The following GPT variants were observed in gnomAD, a reference collection of about 807,000 sequenced individuals.
The protein encoded by GPT is glutamic--pyruvic transaminase.
In GPT, 60 loss-of-function variants were observed where a neutral mutation model predicts 51.4. The ratio of observed to expected loss-of-function variants is 1.17; its 90% confidence interval spans 0.95 to 1.45. The LOEUF (loss-of-function observed/expected upper bound fraction) is 1.45. Ranked by LOEUF, GPT falls within the 40% of genes most tolerant of loss-of-function variation. GPT has a pLI of 0.00. For synonymous variants in GPT, 397 were observed against 303.1 expected (o/e 1.31, Z -3.22); for missense variants, 853 against 704.0 (o/e 1.21, Z -2.40).
chr8:144,506,473 C>A lies in GPT; in HGVS notation c.1132-28C>A. 1 of 1,585,712 alleles carries A rather than the reference C, an allele frequency of 6.3e-7. No individual in the cohort carries two copies. ...GGTGGGGGATGCCGAGTGCCGTGCC[C>A]TGATGGGCCCTCCCTCCGCGGCCAC... On this transcript the variant is annotated intron_variant, in intron 8 of 10. Transcript: ENST00000394955. This position sits in a 1 kb window ranked among gnomAD's most constrained non-coding sequence, Gnocchi z 7.0.
Position 144,505,063 on chromosome 8 carries a change from C to T in GPT, c.427C>T (p.Arg143Cys), listed in dbSNP as rs748547625. The T allele has an allele frequency of 2.4e-5, 39 of 1,613,048 alleles. No individual in the cohort carries two copies. In the East Asian group the frequency reaches 7.8e-4, roughly 32 times the overall value. The change falls in exon 4 of 11, where the codon CGT (arginine) becomes TGT (cysteine). Residue 143 changes from arginine (R) to cysteine (C), a missense_variant. Physicochemically the swap from Arg to Cys is radical, Grantham distance 180 (BLOSUM62 -3). Coordinates refer to ENST00000394955, the MANE Select transcript of GPT (RefSeq NM_005309.3). ...REDVARYIER[R>C]DGGIPADPNN... ...GGACGTGGCGCGGTACATTGAGAGGCGTGACGGAGGCATCCCTGCGGACCC... is the reference window on the plus strand; with the variant it reads ...GGACGTGGCGCGGTACATTGAGAGGTGTGACGGAGGCATCCCTGCGGACCC...
chr8:144,503,547 C>G (rs984315605), upstream of GPT, among the ~76,000 whole-genome samples: 1 of 152,172 alleles, frequency 6.6e-6, no homozygotes, highest in East Asian at 1.9e-4. Flanking sequence ...CCCCCTCCCC[C>G]AGCCCCTCGC....
upstream of GPT, chr8:144,503,946 TGAC>T: frequency 2.7e-6 from 1 of 371,092 alleles, no homozygotes; most frequent in Non-Finnish European, 5.2e-6. Context: ...CTGTCCGGAC[TGAC>T]GTCTGTACCT....
At position 144,505,860 on chromosome 8, in the gene GPT, C is replaced by T; in HGVS notation, c.752C>T (p.Thr251Ile). The stretch of plus-strand genomic sequence containing the variant: ...CCCGGCACCCCAGGGCAGGTGCAGA[C>T]CCGCGAGTGCATCGAGGCCGTGATC... The part of the protein sequence containing the change: ...NPGNPTGQVQ[T>I]RECIEAVIRF... The change falls in exon 6 of 11, where the codon ACC (threonine) becomes ATC (isoleucine). Residue 251 changes from threonine (T) to isoleucine (I), a missense_variant. Physicochemically the swap from Thr to Ile is moderately conservative, Grantham distance 89. Transcript: ENST00000394955. 1 of 1,551,790 alleles carries T rather than the reference C, an allele frequency of 6.4e-7. No individual in the cohort carries two copies. Among genetic ancestry groups the T allele is most frequent in the African/African-American group, 1.4e-5 (1 of 73,264 alleles).
rs190503990 is a variant in GPT at position 144,504,163 on chromosome 8, G to C, written c.-142G>C. ...CCAGTGAGGCCAGCTGCGGTGAAGA[G>C]GGTGCTCTCTTGCCTGGAGTTCCCT... is the stretch of plus-strand genomic sequence containing the variant. On this transcript the variant is annotated 5_prime_UTR_variant, in exon 1 of 11. Transcript: ENST00000394955. 10 of 849,218 alleles carry C rather than the reference G, an allele frequency of 1.2e-5. No homozygotes were observed. Among genetic ancestry groups the C allele is most frequent in the African/African-American group, 1.7e-5 (1 of 60,222 alleles). The allele number at this position is 849,218 out of a possible 1,614,324, so 52.6% of individuals were successfully genotyped here. A position where few individuals can be genotyped will look rare whatever the true frequency, so the allele number is the denominator to read the frequency against.
In GPT at chr8:144,505,451, C is replaced by T. The variant is rs773478792; in HGVS notation, c.701C>T (p.Pro234Leu). The change falls in exon 5 of 11, where the codon CCT becomes CTT. Residue 234 changes from proline to leucine, a missense_variant. Coordinates refer to ENST00000394955, the MANE Select transcript of GPT (RefSeq NM_005309.3). ...ALGQARDHCR[P>L]RALCVINPGN... ...GGCCAGGCGCGTGACCACTGCCGCC[C>T]TCGTGCGCTCTGTGTCATCAACCCT... The T allele has an allele frequency of 6.0e-5, 96 of 1,596,220 alleles. No individual in the cohort carries two copies. Among genetic ancestry groups the T allele is most frequent in the Non-Finnish European group, 7.8e-5 (91 of 1,173,762 alleles).
At chr8:144,504,742 G>A (rs3891233) in intron 2 of GPT, 29 bp from the exon 3 acceptor site, 1 of 1,588,226 alleles carries the variant, frequency 6.3e-7, no homozygotes, top group Non-Finnish European at 8.6e-7. Context: ...CAGCCCATGT[G>A]CCCTGGCCTC....
Position 144,504,782 on chromosome 8 carries a change from C to A in GPT, c.264C>A (p.Leu88=). The change falls in exon 3 of 11, where the codon CTC becomes CTA. Residue 88 remains leucine (L), a synonymous_variant. Transcript: ENST00000394955. ...CTCCGTCTTCCCAGGTCTTGGCCCT[C>A]TGTGTTAACCCTGATCTTCTGAGCA... is the stretch of plus-strand genomic sequence containing the variant. The part of the protein sequence containing the change: ...PITFLRQVLA[L]CVNPDLLSSP... 6.2e-7 allele frequency: 1 copy of A among 1,613,666 alleles called. No individual in the cohort carries two copies. The highest frequency in any genetic ancestry group is 8.5e-7 in the Non-Finnish European group (1 of 1,179,976).
In GPT at chr8:144,505,925, G is replaced by T; in HGVS notation, c.817G>T (p.Glu273Ter). The T allele has an allele frequency of 6.2e-7, 1 of 1,608,922 alleles. No homozygotes were observed. The highest frequency in any genetic ancestry group is 8.5e-7 in the Non-Finnish European group (1 of 1,178,446). Residue 273 changes from glutamate (E) to a stop codon, truncating the protein, a stop_gained and splice_region_variant, in exon 6 of 11, where the codon GAG becomes TAG. Coordinates refer to ENST00000394955, the MANE Select transcript of GPT (RefSeq NM_005309.3). LOFTEE classifies it high-confidence loss of function. ...AGAGCGGCTCTTTCTGCTGGCGGAC[G>T]AGGTGCGCGGCGCGGGGGAGCGGGA... ...FEERLFLLAD[E>*]VYQDNVYAAG...
chr8:144,505,443 C>G lies in GPT; in HGVS notation c.693C>G (p.His231Gln). The G allele has an allele frequency of 6.3e-7, 1 of 1,598,592 alleles. No homozygotes were observed. The highest frequency in any genetic ancestry group is 8.5e-7 in the Non-Finnish European group (1 of 1,174,874). The change falls in exon 5 of 11, where the codon CAC becomes CAG. Residue 231 changes from histidine (H) to glutamine (Q), a missense_variant. Physicochemically the swap from His to Gln is conservative, Grantham distance 24. Coordinates refer to ENST00000394955, the MANE Select transcript of GPT (RefSeq NM_005309.3). ...GTGCACTGGGCCAGGCGCGTGACCA[C>G]TGCCGCCCTCGTGCGCTCTGTGTCA... ...LHRALGQARD[H>Q]CRPRALCVIN...
Position 144,504,322 on chromosome 8 carries a change from T to C in GPT, c.18T>C (p.Gly6=), listed in dbSNP as rs1343945610. ...GTAGAGTCATGGCCTCGAGCACAGG[T>C]GACCGGAGCCAGGCGGTGAGGCATG... The part of the protein sequence containing the change: MASST[G]DRSQAVRHGL... Residue 6 remains glycine, a synonymous_variant, in exon 1 of 11, where the codon GGT becomes GGC. Coordinates refer to ENST00000394955, the MANE Select transcript of GPT (RefSeq NM_005309.3). 1 of 1,609,574 alleles carries C rather than the reference T, an allele frequency of 6.2e-7. No individual in the cohort carries two copies. Among genetic ancestry groups the C allele is most frequent in the East Asian group, 2.2e-5 (1 of 44,896 alleles).
Position 144,504,634 on chromosome 8 carries a change from C to G in GPT, c.193C>G (p.Arg65Gly). ...GVKKPFTEVI[R>G]ANIGDAQAMG... ...GAAGAAGCCTTTCACCGAGGTCATC[C>G]GTGCCAACATCGGGGACGCACAGGC... The change falls in exon 2 of 11, where the codon CGT becomes GGT. Residue 65 changes from arginine (R) to glycine (G), a missense_variant. Arg to Gly is a moderately radical substitution (Grantham distance 125). Transcript: ENST00000394955. The G allele has an allele frequency of 6.2e-7, 1 of 1,613,296 alleles. No homozygotes were observed. Among genetic ancestry groups the G allele is most frequent in the South Asian group, 1.1e-5 (1 of 91,088 alleles).
Position 144,506,925 on chromosome 8 carries a change from C to T in GPT, c.1416C>T (p.Pro472=), listed in dbSNP as rs1242442312. The change falls in exon 11 of 11, where the codon CCC becomes CCT. Residue 472 remains proline (P), a synonymous_variant. Transcript: ENST00000394955. The surrounding 1 kb of genome is among the most constrained non-coding windows in gnomAD (Gnocchi z 7.0). Reference sequence around the variant, plus strand: ...CTCCTTTCAGGATGACCATTCTGCCCCCCTTGGAGAAACTGCGGCTGCTGC... The same window carrying T: ...CTCCTTTCAGGATGACCATTCTGCCTCCCTTGGAGAAACTGCGGCTGCTGC... ...GTYHFRMTIL[P]PLEKLRLLLE... is the part of the protein sequence containing the mutation. 3.7e-6 allele frequency: 6 copies of T among 1,612,942 alleles called. No individual in the cohort carries two copies. The highest frequency in any genetic ancestry group is 3.3e-5 in the Admixed American group (2 of 60,028).
At chr8:144,503,980 G>A (rs1826657589), upstream of GPT, 3 of 441,958 alleles carry the variant, frequency 6.8e-6, no homozygotes, top group South Asian at 6.2e-5. Flanking sequence ...TGGGTCTCCT[G>A]CTCTCCCTTC....
In GPT at chr8:144,506,996, C is replaced by A. The variant is rs745937587; in HGVS notation, c.1487C>A (p.Ser496Tyr). 3 of 1,610,776 alleles carry A rather than the reference C, an allele frequency of 1.9e-6. No homozygotes were observed. The highest frequency in any genetic ancestry group is 2.5e-6 in the Non-Finnish European group (3 of 1,178,244). The change falls in exon 11 of 11, where the codon TCC (serine) becomes TAC (tyrosine). Residue 496 changes from serine (S) to tyrosine (Y), a missense_variant. Ser to Tyr is a moderately radical substitution (Grantham distance 144, BLOSUM62 -2). Coordinates refer to ENST00000394955, the MANE Select transcript of GPT (RefSeq NM_005309.3). This position sits in a 1 kb window ranked among gnomAD's most constrained non-coding sequence, Gnocchi z 7.0. ...RFHAKFTLEY[S>Y] ...CATGCCAAGTTCACCCTCGAGTACT[C>A]CTGAGCACCCCAGCTGGGGCCAGGC... is the stretch of plus-strand genomic sequence containing the variant.
At position 144,505,454 on chromosome 8, in the gene GPT, G is replaced by A. The variant is rs371677109; in HGVS notation, c.704G>A (p.Arg235His). The change falls in exon 5 of 11, where the codon CGT (arginine) becomes CAT (histidine). Residue 235 changes from arginine (R) to histidine (H), a missense_variant. Coordinates refer to ENST00000394955, the MANE Select transcript of GPT (RefSeq NM_005309.3). ...LGQARDHCRP[R>H]ALCVINPGNP... ...CAGGCGCGTGACCACTGCCGCCCTC[G>A]TGCGCTCTGTGTCATCAACCCTGGC... The A allele has an allele frequency of 4.4e-6, 7 of 1,595,264 alleles. No individual in the cohort carries two copies. The South Asian group carries it at 5.7e-5, about 13-fold the overall frequency.
In GPT at chr8:144,506,693, G is replaced by A. The variant is rs1164400057; in HGVS notation, c.1287+37G>A. 5 of 1,573,870 alleles carry A rather than the reference G, an allele frequency of 3.2e-6. No homozygotes were observed. In the South Asian group the frequency reaches 4.5e-5, roughly 14 times the overall value. On this transcript the variant is annotated intron_variant, in intron 9 of 10. Transcript: ENST00000394955. The surrounding 1 kb of genome is among the most constrained non-coding windows in gnomAD (Gnocchi z 7.0). ...GCGGGGCCTGCGGGGTGGGCAGGGG[G>A]GGCCGGGCATCCCTCTCTGACGGCT...
In GPT at chr8:144,505,588, G is replaced by A. The variant is rs1826760386; in HGVS notation, c.739+99G>A. ...CCGCGCCCACGGTGCGTTCCCCGCC[G>A]CCCCGCCCCACTCCCCCCGCGCCCA... On this transcript the variant is annotated intron_variant, in intron 5 of 10. Transcript: ENST00000394955. 8.3e-6 allele frequency: 3 copies of A among 359,320 alleles called. No homozygotes were observed. The East Asian group carries it at 1.6e-4, about 19-fold the overall frequency. 22.3% of individuals were successfully genotyped at this position (359,320 alleles called of 1,614,324 possible). A position where few individuals can be genotyped will look rare whatever the true frequency, so the allele number is the denominator to read the frequency against.
upstream of GPT, chr8:144,504,008 G>GC: frequency 2.0e-6 from 1 of 504,142 alleles, no homozygotes; most frequent in Non-Finnish European, 3.6e-6. Flanking sequence ...CACTAGGCAG[G>GC]CACTGGGCCT....
Sources: gnomAD v4.1 joint callset for allele counts (sites outside exome capture counted in the v4.1 genomes callset) on GRCh38, gnomAD v4.1.1 for gene constraint, Gnocchi (gnomAD v3.1) non-coding constraint, MANE v1.5 for transcripts, NCBI Gene and HGNC (gene_info 2026-07-23, HGNC 2026-07-21) for gene names.